SPG7: variants seen among roughly 807,000 people sequenced by gnomAD.
SPG7 encodes SPG7 matrix AAA peptidase subunit, paraplegin.
SPG7 carries 103 observed loss-of-function variants against 81.9 expected under a neutral mutation model. The ratio of observed to expected loss-of-function variants is 1.26; its 90% CI spans 1.07 to 1.48. The LOEUF is 1.48. Ranked by LOEUF, SPG7 falls within the 40% of genes most tolerant of loss-of-function variation. The probability of loss-of-function intolerance (pLI) is 0.00; values close to 1 mark genes in which losing one functional copy is unlikely to be tolerated. For missense variants in SPG7, 1,241 were observed against 1,087.3 expected (o/e 1.14, Z -1.99); for synonymous variants, 534 against 444.2 (o/e 1.20, Z -2.54).
intron 10 of SPG7, chr16:89,545,040 G>T (rs1198919843): frequency 9.6e-6 from 5 of 519,088 alleles, no homozygotes; most frequent in Non-Finnish European, 1.8e-5. Flanking sequence ...GGGTTTTGCA[G>T]TTCTGTTCAC....
Position 89,557,697 on chromosome 16 carries a change from T to C in SPG7, c.*604T>C, listed in dbSNP as rs1272994665. 1 of 156,730 alleles carries C rather than the reference T, an allele frequency of 6.4e-6. No homozygotes were observed. The highest frequency in any genetic ancestry group is 1.4e-5 in the Non-Finnish European group (1 of 70,494). 9.7% of individuals were successfully genotyped at this position (156,730 alleles called of 1,614,324 possible). A position where few individuals can be genotyped will look rare whatever the true frequency, so the allele number is the denominator to read the frequency against. On this transcript the variant is annotated 3_prime_UTR_variant, in exon 17 of 17. Transcript: ENST00000645818. Reference sequence around the variant, plus strand: ...CTAGTCACGCATGCAGTGTTGGGGATGCCTTGGTTTTTACTGCTCTGAGAA... The same window carrying C: ...CTAGTCACGCATGCAGTGTTGGGGACGCCTTGGTTTTTACTGCTCTGAGAA...
chr16:89,524,221 C>T lies in SPG7; in HGVS notation c.592C>T (p.Pro198Ser). 2 of 1,612,628 alleles carry T rather than the reference C, an allele frequency of 1.2e-6. No homozygotes were observed. Among genetic ancestry groups the T allele is most frequent in the South Asian group, 1.1e-5 (1 of 91,032 alleles). Residue 198 changes from proline (P) to serine (S), a missense_variant, in exon 4 of 17, where the codon CCT becomes TCT. Physicochemically the swap from Pro to Ser is moderately conservative, Grantham distance 74 (BLOSUM62 -1). Coordinates refer to ENST00000645818, the MANE Select transcript of SPG7 (RefSeq NM_003119.4). ...ESDVVEVYLHPGAVVFGRPRL... is the reference protein window; with the variant it reads ...ESDVVEVYLHSGAVVFGRPRL... Reference sequence around the variant, plus strand: ...CGACGTGGTGGAAGTCTACCTGCACCCTGGAGCCGTGGTGTTTGGGCGGCC... The same window carrying T: ...CGACGTGGTGGAAGTCTACCTGCACTCTGGAGCCGTGGTGTTTGGGCGGCC...
chr16:89,544,523 G>C (rs2058538422), intron 9 of SPG7, 125 bp from the exon 10 acceptor site: 1 of 1,137,526 alleles, frequency 8.8e-7, no homozygotes. Context: ...GGACCGGGCT[G>C]TTCCTTTCTC....
At chr16:89,549,928 G>A (rs1264318532) in intron 12 of SPG7, 2 of 201,050 alleles carry the variant, frequency 9.9e-6, no homozygotes, top group South Asian at 8.5e-5. Context: ...CTCCTCAGAG[G>A]GTTGCACTTG....
intron 15 of SPG7, 47 bp downstream of exon 15, chr16:89,554,007 G>A (rs1488560564): frequency 6.3e-7 from 1 of 1,591,280 alleles, no homozygotes; most frequent in Non-Finnish European, 8.6e-7. Context: ...TCCCCGGGGA[G>A]GGAGTCCCTG....
At chr16:89,513,114 G>A in intron 3 of SPG7, 77 bp downstream of exon 3, 1 of 1,537,002 alleles carries the variant, frequency 6.5e-7, no homozygotes, top group Non-Finnish European at 8.8e-7. Context: ...TTAGCAAGGT[G>A]AAACCAGTCT....
At chr16:89,530,534 G>C (rs756794826) in intron 6 of SPG7, 149 bp from the exon 7 acceptor site, 23 of 845,490 alleles carry the variant, frequency 2.7e-5, no homozygotes, top group Non-Finnish European at 4.5e-5. Context: ...CTGACTGTGA[G>C]CCTCGTCAGC....
chr16:89,553,833 A>C lies in SPG7; in HGVS notation c.1976A>C (p.Tyr659Ser). The change falls in exon 15 of 17, where the codon TAC (tyrosine) becomes TCC (serine). Residue 659 changes from tyrosine (Y) to serine (S), a missense_variant. By Grantham distance (144) the Tyr-to-Ser change is moderately radical. Transcript: ENST00000645818. ...DDLRKVTRIA[Y>S]SMVKQFGMAP... Reference sequence around the variant, plus strand: ...CTGAGGAAGGTCACCCGCATCGCCTACTCCATGGTGAAGCAGTTTGGGATG... The same window carrying C: ...CTGAGGAAGGTCACCCGCATCGCCTCCTCCATGGTGAAGCAGTTTGGGATG... The C allele has an allele frequency of 6.2e-7, 1 of 1,613,276 alleles. No homozygotes were observed. The highest frequency in any genetic ancestry group is 1.7e-4 in the Middle Eastern group (1 of 6,060).
intron 1 of SPG7, 103 bp downstream of exon 1, chr16:89,508,703 G>T (rs2057966186): frequency 1.6e-6 from 2 of 1,214,334 alleles, no homozygotes; most frequent in Non-Finnish European, 2.3e-6. Context: ...TGCGGCGGGG[G>T]AGCCTGCGCC....
chr16:89,550,473 C>G (rs2058622609), intron 12 of SPG7, 21 bp from the exon 13 acceptor site: 7 of 1,580,050 alleles, frequency 4.4e-6, no homozygotes, highest in African/African-American at 1.3e-5. Flanking sequence ...GCGCCCAACT[C>G]ATACCCCGGC....
At chr16:89,529,381 T>C in intron 5 of SPG7, 96 bp from the exon 6 acceptor site, 1 of 798,464 alleles carries the variant, frequency 1.3e-6, no homozygotes, top group South Asian at 1.4e-5. Context: ...CCTCGTCTCA[T>C]CTTGGAAACA....
At chr16:89,513,984 T>C (rs1207603655) in intron 3 of SPG7, among the ~76,000 whole-genome samples, 2 of 152,122 alleles carry the variant, frequency 1.3e-5, no homozygotes, top group East Asian at 3.8e-4. Flanking sequence ...TCTTGATTGA[T>C]TTTGTGTGAG....
intron 3 of SPG7, chr16:89,517,732 G>C (rs2058122261): frequency 6.7e-6 from 1 of 149,412 alleles, no homozygotes; most frequent in African/African-American, 2.5e-5. Flanking sequence ...CAGTTCTCCT[G>C]CCTCAGCCTC....
chr16:89,538,663 C>T lies in SPG7; in HGVS notation c.1325-5985C>T, dbSNP rs115593016. The T allele has an allele frequency of 4.2e-3, 635 of 152,684 alleles. 2 individuals carry two copies. The highest frequency in any genetic ancestry group is 0.015 in the African/African-American group (610 of 41,564). The allele number at this position is 152,684 out of a possible 1,614,324, so 9.5% of individuals were successfully genotyped here. On this transcript the variant is annotated intron_variant, in intron 9 of 16. Transcript: ENST00000645818. Reference sequence around the variant, plus strand: ...TGGTTCAAGGATCTCAGGCTCTGAGCGGGAGAGCGGGGTCAGGTCTAGCTT... The same window carrying T: ...TGGTTCAAGGATCTCAGGCTCTGAGTGGGAGAGCGGGGTCAGGTCTAGCTT...
At chr16:89,527,156 T>G (rs2058275241) in intron 5 of SPG7, 1 of 159,340 alleles carries the variant, frequency 6.3e-6, no homozygotes, top group African/African-American at 2.4e-5. Flanking sequence ...TGTCTGTGCA[T>G]GTTGAGTATA....
chr16:89,529,678 T>A, intron 6 of SPG7, 99 bp downstream of exon 6: 1 of 891,034 alleles, frequency 1.1e-6, no homozygotes, highest in East Asian at 2.6e-5. Flanking sequence ...GGAAAACCTG[T>A]TGCAGAGAGT....
chr16:89,514,308 C>CTTTTTT (rs148270097), intron 3 of SPG7: 38 of 48,458 alleles, frequency 7.8e-4, no homozygotes, highest in Non-Finnish European at 9.2e-4. Flanking sequence ...TGTCCTTTGA[C>CTTTTTT]TTTTTTTTTT....
At chr16:89,511,063 C>G (rs533087062) in intron 2 of SPG7, among the ~76,000 whole-genome samples, 4 of 152,234 alleles carry the variant, frequency 2.6e-5, no homozygotes, top group African/African-American at 9.6e-5. Flanking sequence ...GTCTTAAACT[C>G]CTGGACTCAA....
At chr16:89,535,630 A>T in intron 9 of SPG7, among the ~76,000 whole-genome samples, 1 of 152,188 alleles carries the variant, frequency 6.6e-6, no homozygotes, top group Non-Finnish European at 1.5e-5. Context: ...TGAGCAGTTC[A>T]GATTCTGTGA....
Sources: gnomAD v4.1 joint callset for allele counts (sites outside exome capture counted in the v4.1 genomes callset) on GRCh38, gnomAD v4.1.1 for gene constraint, MANE v1.5 for transcripts, NCBI Gene and HGNC (gene_info 2026-07-23, HGNC 2026-07-21) for gene names.